The following UNC5D variants were observed in gnomAD, a reference collection of about 807,000 sequenced individuals.
UNC5D encodes unc-5 netrin receptor D.
In UNC5D, 39 loss-of-function variants were observed where a neutral mutation model predicts 105.4. The observed-to-expected ratio is 0.37, with a 90% CI of 0.29 to 0.48. UNC5D has a LOEUF of 0.48. Among genes scored for constraint, UNC5D ranks in the 20% least tolerant of loss-of-function variants. The probability of loss-of-function intolerance (pLI) is 0.98; values close to 1 mark genes in which losing one functional copy is unlikely to be tolerated. For missense variants in UNC5D, 991 were observed against 1,202.4 expected, an observed-to-expected ratio of 0.82 and a Z score of 2.60; for synonymous variants, 452 against 450.4, an observed-to-expected ratio of 1.00 and a Z score of -0.04.
intron 4 of UNC5D, among the ~76,000 whole-genome samples, chr8:35,672,675 T>G (rs553059949): frequency 6.6e-6 from 1 of 152,272 alleles, no homozygotes; most frequent in South Asian, 2.1e-4. Context: ...CATTCTTATA[T>G]TTATGTTTCT....
Position 35,793,133 on chromosome 8 carries a change from G to A in UNC5D, c.*2570G>A, listed in dbSNP as rs965727992. 1 of 454,952 alleles carries A rather than the reference G, an allele frequency of 2.2e-6. No homozygotes were observed. Among genetic ancestry groups the A allele is most frequent in the Admixed American group, 2.4e-5 (1 of 42,324 alleles). 28.2% of individuals were successfully genotyped at this position (454,952 alleles called of 1,614,324 possible). ...CTTCTTTATGTTTCTTTTACTTATT[G>A]CTGCTAGGATCCTACATAGGATTTC... is the stretch of plus-strand genomic sequence containing the variant. On this transcript the variant is annotated 3_prime_UTR_variant, in exon 17 of 17. Transcript: ENST00000404895.
At chr8:35,284,364 AT>A (rs1398732772) in intron 1 of UNC5D, among the ~76,000 whole-genome samples, 1 of 152,202 alleles carries the variant, frequency 6.6e-6, no homozygotes, top group Non-Finnish European at 1.5e-5. Context: ...AATGACAAAA[AT>A]ATTACCTTCT....
chr8:35,717,260 C>A (rs1206946543), intron 8 of UNC5D, among the ~76,000 whole-genome samples: 2 of 152,202 alleles, frequency 1.3e-5, no homozygotes, highest in African/African-American at 4.8e-5. Flanking sequence ...TTATCCAAAT[C>A]CTGCAACATA....
chr8:35,651,692 C>A (rs1823412341), intron 4 of UNC5D, among the ~76,000 whole-genome samples: 1 of 152,174 alleles, frequency 6.6e-6, no homozygotes, highest in African/African-American at 2.4e-5. Flanking sequence ...ACTTTTTTAA[C>A]CTTTCACTAT....
intron 7 of UNC5D, among the ~76,000 whole-genome samples, chr8:35,690,918 A>G (rs1586446345): frequency 6.6e-6 from 1 of 152,226 alleles, no homozygotes; most frequent in Admixed American, 6.5e-5. Flanking sequence ...CCCTAAAGCA[A>G]TTCCTCAATT....
chr8:35,428,282 G>C (rs1378178880), intron 1 of UNC5D, among the ~76,000 whole-genome samples: 1 of 150,614 alleles, frequency 6.6e-6, no homozygotes, highest in Admixed American at 6.6e-5. Flanking sequence ...AAGGGCTTAA[G>C]CAATCCTCCC....
chr8:35,279,083 C>T (rs1344348995), intron 1 of UNC5D, among the ~76,000 whole-genome samples: 1 of 152,134 alleles, frequency 6.6e-6, no homozygotes, highest in African/African-American at 2.4e-5. Flanking sequence ...GACCGCCAGC[C>T]TAGGAGGCTC....
chr8:35,705,238 A>T (rs1827494022), intron 7 of UNC5D, among the ~76,000 whole-genome samples: 1 of 152,292 alleles, frequency 6.6e-6, no homozygotes, highest in Non-Finnish European at 1.5e-5. Context: ...TGCTGGGATT[A>T]TAGGCGTGAG....
At chr8:35,525,555 T>A in intron 1 of UNC5D, 1 of 1,612,720 alleles carries the variant, frequency 6.2e-7, no homozygotes, top group Non-Finnish European at 8.5e-7. Context: ...TGTTCGGTCA[T>A]TAATTATTTC....
intron 4 of UNC5D, among the ~76,000 whole-genome samples, chr8:35,627,874 C>A (rs542110438): frequency 1.2e-4 from 19 of 152,272 alleles, no homozygotes; most frequent in Non-Finnish European, 2.5e-4. Flanking sequence ...CTGCATTGAG[C>A]TGTGGTTGTG....
intron 1 of UNC5D, among the ~76,000 whole-genome samples, chr8:35,249,042 T>TATATATGTTTATATAATATATA (rs1563248852): frequency 3.1e-4 from 11 of 35,760 alleles, no homozygotes; most frequent in African/African-American, 6.4e-4. Flanking sequence ...TAATATATAT[T>TATATATGTTTATATAATATATA]ATATAAAAAT....
At chr8:35,544,676 C>T (rs1815521787) in intron 1 of UNC5D, 2 of 1,112,912 alleles carry the variant, frequency 1.8e-6, no homozygotes, top group Admixed American at 2.9e-5. Flanking sequence ...GATCACGGCT[C>T]ACGGCAACCT....
In UNC5D at chr8:35,609,403, A is replaced by G. The variant is rs1304786779; in HGVS notation, c.570+13746A>G. Among the ~76,000 whole-genome samples, 3 of 152,216 alleles carry G rather than the reference A, an allele frequency of 2.0e-5. No individual in the cohort carries two copies. The East Asian group carries it at 5.8e-4, about 29-fold the overall frequency. On this transcript the variant is annotated intron_variant, in intron 4 of 16. Coordinates refer to ENST00000404895, the MANE Select transcript of UNC5D (RefSeq NM_080872.4). ...TCTTTTACTTTCAGCAGTAGCTTAC[A>G]CAGTAAGTCATTGCTATCAGCATCT...
At chr8:35,487,486 C>T (rs564270892) in intron 1 of UNC5D, among the ~76,000 whole-genome samples, 5 of 151,778 alleles carry the variant, frequency 3.3e-5, no homozygotes, top group African/African-American at 4.8e-5. Flanking sequence ...ATCTTCCTTG[C>T]GATTTTAGAC....
intron 1 of UNC5D, among the ~76,000 whole-genome samples, chr8:35,241,286 GTAGA>G (rs1248547373): frequency 6.6e-6 from 1 of 152,216 alleles, no homozygotes; most frequent in Non-Finnish European, 1.5e-5. Flanking sequence ...CACGCTGTGC[GTAGA>G]TAATTTTCAG....
chr8:35,424,690 C>G (rs1315915501), intron 1 of UNC5D, among the ~76,000 whole-genome samples: 41 of 152,222 alleles, frequency 2.7e-4, no homozygotes, highest in Non-Finnish European at 4.4e-5. Flanking sequence ...GATTCAGCTA[C>G]ACACTCATCT....
chr8:35,493,520 G>T (rs1301008983), intron 1 of UNC5D, among the ~76,000 whole-genome samples: 1 of 151,964 alleles, frequency 6.6e-6, no homozygotes, highest in African/African-American at 2.4e-5. Context: ...CTTTGTAATT[G>T]ATAAATTTGC....
chr8:35,719,615 TG>T (rs1211524745), intron 8 of UNC5D, among the ~76,000 whole-genome samples: 1 of 152,142 alleles, frequency 6.6e-6, no homozygotes, highest in Non-Finnish European at 1.5e-5. Flanking sequence ...AGACAAGAAA[TG>T]ACTGAGAATA....
intron 1 of UNC5D, among the ~76,000 whole-genome samples, chr8:35,387,084 G>A (rs1353857901): frequency 6.6e-6 from 1 of 151,644 alleles, no homozygotes. Context: ...TCTCAGGCCG[G>A]ACGCAGTGGC....
Sources: gnomAD v4.1 joint callset for allele counts (sites outside exome capture counted in the v4.1 genomes callset) on GRCh38, gnomAD v4.1.1 for gene constraint, MANE v1.5 for transcripts, NCBI Gene and HGNC (gene_info 2026-07-23, HGNC 2026-07-21) for gene names.